Variants in ZFPM2 observed in about 807,000 individuals in gnomAD.
ZFPM2 encodes zinc finger protein, FOG family member 2, also known as zinc finger protein ZFPM2.
In ZFPM2, 20 loss-of-function variants were observed where a neutral mutation model predicts 98.6. The ratio of observed to expected loss-of-function variants is 0.20; its 90% CI spans 0.14 to 0.29. The LOEUF is 0.29. Among genes scored for constraint, ZFPM2 ranks in the 10% least tolerant of loss-of-function variants. The probability of loss-of-function intolerance (pLI) is 1.00; values close to 1 mark genes in which losing one functional copy is unlikely to be tolerated. For synonymous variants in ZFPM2, 518 were observed against 502.7 expected (o/e 1.03, Z -0.41); for missense variants, 1,310 against 1,388.6 (o/e 0.94, Z 0.90).
rs113815707 is a variant in ZFPM2, at chr8:105,331,168, TAC to T, written c.40+12207_40+12208del. Among the ~76,000 whole-genome samples the T allele has an allele frequency of 9.7e-3, 1,428 of 146,696 alleles. 3 individuals carry two copies. Among genetic ancestry groups the T allele is most frequent in the African/African-American group, 0.019 (751 of 40,376 alleles). On this transcript the variant is annotated intron_variant, in intron 1 of 7. Coordinates refer to ENST00000407775, the MANE Select transcript of ZFPM2 (RefSeq NM_012082.4). ...TATTATATTTTATATATATATATTA[TAC>T]ACACACACACACACACACATATATA...
At chr8:105,793,227 T>C (rs1046193883) in intron 6 of ZFPM2, among the ~76,000 whole-genome samples, 15 of 152,198 alleles carry the variant, frequency 9.9e-5, no homozygotes, top group Non-Finnish European at 2.2e-4. Context: ...CTGGTACCAG[T>C]TGTTCCTTTC....
intron 3 of ZFPM2, among the ~76,000 whole-genome samples, chr8:105,538,073 A>T (rs1814495635): frequency 6.6e-6 from 1 of 152,156 alleles, no homozygotes; most frequent in South Asian, 2.1e-4. Context: ...CAATTTAAAC[A>T]GTAGAGGTAC....
intron 4 of ZFPM2, among the ~76,000 whole-genome samples, chr8:105,607,732 G>C (rs1053920778): frequency 6.6e-6 from 1 of 152,012 alleles, no homozygotes; most frequent in Non-Finnish European, 1.5e-5. Flanking sequence ...ACTCTCCTGT[G>C]TGTTCCTGAA....
rs531120878 is a variant in ZFPM2 at position 105,359,731 on chromosome 8, A to G, written c.40+40750A>G. Among the ~76,000 whole-genome samples the G allele has an allele frequency of 2.0e-5, 3 of 152,326 alleles. 1 individual carries two copies. The highest frequency in any genetic ancestry group is 2.0e-4 in the Admixed American group (3 of 15,296). ...GAGTGGACTAAGGCACCCACTCTCA[A>G]TATTTCAATTGAAAAAACTATATCC... is the stretch of plus-strand genomic sequence containing the variant. On this transcript the variant is annotated intron_variant, in intron 1 of 7. Coordinates refer to ENST00000407775, the MANE Select transcript of ZFPM2 (RefSeq NM_012082.4).
Position 105,803,752 on chromosome 8 carries a change from G to A in ZFPM2, c.*214G>A. 1.9e-6 allele frequency: 1 copy of A among 538,122 alleles called. No homozygotes were observed. The highest frequency in any genetic ancestry group is 2.4e-5 in the South Asian group (1 of 40,848). The allele number at this position is 538,122 out of a possible 1,614,324, so 33.3% of individuals were successfully genotyped here. On this transcript the variant is annotated 3_prime_UTR_variant, in exon 8 of 8. Transcript: ENST00000407775. ...AAAAAATTAATTTATTTTACCAGCA[G>A]TATTCATAGCTGTGGTTATGTTATT... is the stretch of plus-strand genomic sequence containing the variant.
At chr8:105,579,247 T>A (rs957172259) in intron 4 of ZFPM2, among the ~76,000 whole-genome samples, 8 of 152,188 alleles carry the variant, frequency 5.3e-5, no homozygotes, top group Admixed American at 2.0e-4. Context: ...ATTTTAAGCA[T>A]TTAGCATCCT....
intron 3 of ZFPM2, among the ~76,000 whole-genome samples, chr8:105,519,435 A>T (rs1049628716): frequency 6.6e-6 from 1 of 152,096 alleles, no homozygotes; most frequent in African/African-American, 2.4e-5. Flanking sequence ...ATGAGAAATG[A>T]TCTCGTACCT....
intron 1 of ZFPM2, among the ~76,000 whole-genome samples, chr8:105,351,894 T>G (rs2129715962): frequency 6.6e-6 from 1 of 152,276 alleles, no homozygotes. Context: ...ATTATTTAAC[T>G]AAAAAGATGG....
intron 5 of ZFPM2, among the ~76,000 whole-genome samples, chr8:105,768,094 CTCTCTCTCTCTCTT>C (rs1017481178): frequency 9.3e-5 from 14 of 150,906 alleles, no homozygotes; most frequent in African/African-American, 3.4e-4. Flanking sequence ...TCCTCTCTCT[CTCTCTCTCTCTCTT>C]TCTCTCTCTC....
intron 5 of ZFPM2, among the ~76,000 whole-genome samples, chr8:105,636,206 G>A (rs1816844550): frequency 6.6e-6 from 1 of 152,118 alleles, no homozygotes; most frequent in African/African-American, 2.4e-5. Context: ...TTAGGGATGT[G>A]AACCTGTATA....
chr8:105,411,395 G>A (rs1442866979), intron 1 of ZFPM2, among the ~76,000 whole-genome samples: 2 of 151,604 alleles, frequency 1.3e-5, no homozygotes, highest in African/African-American at 4.8e-5. Context: ...TTTGGGCTGG[G>A]GCCATCTTAT....
At chr8:105,587,166 A>T (rs1306138970) in intron 4 of ZFPM2, among the ~76,000 whole-genome samples, 2 of 151,010 alleles carry the variant, frequency 1.3e-5, no homozygotes, top group Non-Finnish European at 2.9e-5. Flanking sequence ...AGTCCCAGCT[A>T]CTCGGGAGGC....
At chr8:105,621,581 G>A (rs1232786237) in intron 4 of ZFPM2, among the ~76,000 whole-genome samples, 1 of 152,076 alleles carries the variant, frequency 6.6e-6, no homozygotes, top group Admixed American at 6.6e-5. Flanking sequence ...TGTGTGTTTG[G>A]TCATGGACCT....
intron 5 of ZFPM2, among the ~76,000 whole-genome samples, chr8:105,682,223 T>C (rs144831780): frequency 2.0e-5 from 3 of 152,192 alleles, no homozygotes; most frequent in East Asian, 3.9e-4. Flanking sequence ...AGGGAACCAA[T>C]TGGTGGAGGC....
intron 3 of ZFPM2, among the ~76,000 whole-genome samples, chr8:105,533,665 C>T (rs1384317889): frequency 7.9e-6 from 1 of 125,938 alleles, no homozygotes; most frequent in African/African-American, 2.9e-5. Context: ...TCTCTCCTTT[C>T]CTTCGTTCGT....
intron 5 of ZFPM2, among the ~76,000 whole-genome samples, chr8:105,702,594 T>C (rs1458397808): frequency 6.6e-6 from 1 of 152,220 alleles, no homozygotes; most frequent in African/African-American, 2.4e-5. Flanking sequence ...ACCAAAATTA[T>C]CTCCTTATTT....
intron 3 of ZFPM2, among the ~76,000 whole-genome samples, chr8:105,557,194 T>C (rs1815015168): frequency 6.6e-6 from 1 of 152,180 alleles, no homozygotes; most frequent in African/African-American, 2.4e-5. Flanking sequence ...ACTATGCCTT[T>C]GAAGGTCTTT....
intron 1 of ZFPM2, among the ~76,000 whole-genome samples, chr8:105,390,591 G>C (rs544485970): frequency 7.6e-4 from 115 of 152,102 alleles, no homozygotes; most frequent in Non-Finnish European, 3.5e-4. Context: ...CCACTCCCCC[G>C]TATCCTCCTC....
chr8:105,771,006 C>T (rs557714899), intron 5 of ZFPM2, among the ~76,000 whole-genome samples: 2 of 152,104 alleles, frequency 1.3e-5, no homozygotes, highest in African/African-American at 2.4e-5. Context: ...TGCAGATGCT[C>T]AGGTGTGAAG....
Sources: allele counts gnomAD v4.1 joint callset (sites outside exome capture counted in the v4.1 genomes callset), GRCh38; gene constraint gnomAD v4.1.1; transcripts MANE v1.5; gene names NCBI Gene and HGNC (gene_info 2026-07-23, HGNC 2026-07-21).